SLC25A21: variants seen among roughly 807,000 people sequenced by gnomAD.
The protein encoded by SLC25A21 is mitochondrial 2-oxodicarboxylate carrier.
In SLC25A21, 47 loss-of-function variants were observed where a neutral mutation model predicts 43.8. The observed-to-expected ratio is 1.07, with a 90% CI of 0.85 to 1.37. SLC25A21 has a LOEUF of 1.37. Among genes scored for constraint, SLC25A21 ranks in the 40% most tolerant of loss-of-function variants. The probability of loss-of-function intolerance (pLI) is 0.00; values close to 1 mark genes in which losing one functional copy is unlikely to be tolerated. For synonymous variants in SLC25A21, 131 were observed against 121.3 expected (o/e 1.08, Z -0.52); for missense variants, 352 against 350.2 (o/e 1.00, Z -0.04).
At chr14:37,023,016 T>C (rs1237464269) in intron 1 of SLC25A21, among the ~76,000 whole-genome samples, 1 of 152,016 alleles carries the variant, frequency 6.6e-6, no homozygotes, top group Non-Finnish European at 1.5e-5. Context: ...ATAGGGTCCA[T>C]TGCCTTCTGC....
intron 2 of SLC25A21, among the ~76,000 whole-genome samples, chr14:36,854,402 C>G (rs1451653285): frequency 1.3e-5 from 2 of 152,294 alleles, no homozygotes; most frequent in East Asian, 3.9e-4. Context: ...GTAATTGTAG[C>G]AAACACAAGT....
At chr14:37,168,974 G>A (rs1239630077) in intron 1 of SLC25A21, among the ~76,000 whole-genome samples, 3 of 152,126 alleles carry the variant, frequency 2.0e-5, no homozygotes, top group Non-Finnish European at 4.4e-5. Context: ...ACTGCCACAC[G>A]GCCGCTTCTC....
intron 1 of SLC25A21, among the ~76,000 whole-genome samples, chr14:36,992,774 T>C (rs1960292343): frequency 6.6e-6 from 1 of 152,204 alleles, no homozygotes; most frequent in South Asian, 2.1e-4. Flanking sequence ...GCTAGAATCA[T>C]CAAGAAATTC....
At chr14:36,928,548 T>G (rs762707920) in intron 1 of SLC25A21, among the ~76,000 whole-genome samples, 2 of 152,188 alleles carry the variant, frequency 1.3e-5, no homozygotes, top group African/African-American at 2.4e-5. Context: ...CTCAAATGTA[T>G]TTATCCACAA....
At chr14:36,980,678 C>T (rs1326226797) in intron 1 of SLC25A21, among the ~76,000 whole-genome samples, 2 of 152,214 alleles carry the variant, frequency 1.3e-5, no homozygotes, top group African/African-American at 4.8e-5. Flanking sequence ...CATTCTCTGT[C>T]CAGCTTTGTT....
intron 1 of SLC25A21, among the ~76,000 whole-genome samples, chr14:37,152,277 T>C (rs1963771511): frequency 6.6e-6 from 1 of 151,898 alleles, no homozygotes. Flanking sequence ...AAAATAGAAA[T>C]GAGAAAATGA....
chr14:36,883,889 CATACATGTATAAAT>C (rs1194557958), intron 1 of SLC25A21, among the ~76,000 whole-genome samples: 1 of 151,994 alleles, frequency 6.6e-6, no homozygotes, highest in Non-Finnish European at 1.5e-5. Context: ...TGTGATGTTT[CATACATGTATAAAT>C]ATACACGTAT....
chr14:37,149,291 A>G (rs889997590), intron 1 of SLC25A21, among the ~76,000 whole-genome samples: 1 of 152,186 alleles, frequency 6.6e-6, no homozygotes, highest in African/African-American at 2.4e-5. Flanking sequence ...AGAAACAGAA[A>G]ATCTACTGTC....
intron 3 of SLC25A21, among the ~76,000 whole-genome samples, chr14:36,767,290 C>G (rs549742482): frequency 6.6e-6 from 1 of 152,172 alleles, no homozygotes; most frequent in African/African-American, 2.4e-5. Flanking sequence ...CACACTGTAT[C>G]CTAGCCAGAG....
At chr14:36,883,234 C>G (rs137947817) in intron 1 of SLC25A21, among the ~76,000 whole-genome samples, 2 of 152,286 alleles carry the variant, frequency 1.3e-5, no homozygotes, top group Non-Finnish European at 1.5e-5. Flanking sequence ...ACTCTCCCCT[C>G]CACTGGCTCT....
chr14:37,087,710 A>G (rs1335555064), intron 1 of SLC25A21, among the ~76,000 whole-genome samples: 1 of 152,220 alleles, frequency 6.6e-6, no homozygotes, highest in Non-Finnish European at 1.5e-5. Flanking sequence ...CTTATCAGCT[A>G]GTTACAACAA....
intron 3 of SLC25A21, among the ~76,000 whole-genome samples, chr14:36,789,214 C>T (rs771148786): frequency 3.3e-5 from 5 of 152,038 alleles, no homozygotes; most frequent in Admixed American, 6.5e-5. Flanking sequence ...TGCATTACTA[C>T]GATAATTTCT....
intron 3 of SLC25A21, among the ~76,000 whole-genome samples, chr14:36,751,525 C>T (rs572216366): frequency 2.0e-5 from 3 of 152,278 alleles, no homozygotes; most frequent in South Asian, 2.1e-4. Flanking sequence ...CTGAGAATTA[C>T]GTACTAATCT....
intron 1 of SLC25A21, among the ~76,000 whole-genome samples, chr14:36,923,253 A>G (rs1384857971): frequency 6.6e-6 from 1 of 152,246 alleles, no homozygotes; most frequent in East Asian, 1.9e-4. Context: ...GATAACAGTG[A>G]CAGCACAATT....
At chr14:36,931,116 T>G (rs1379953701) in intron 1 of SLC25A21, among the ~76,000 whole-genome samples, 1 of 152,078 alleles carries the variant, frequency 6.6e-6, no homozygotes, top group African/African-American at 2.4e-5. Flanking sequence ...CCCCCCTATT[T>G]AAAGTAAGGG....
intron 1 of SLC25A21, among the ~76,000 whole-genome samples, chr14:36,902,611 T>A (rs557696261): frequency 2.0e-5 from 3 of 152,320 alleles, no homozygotes; most frequent in African/African-American, 7.2e-5. Flanking sequence ...TTAAGTTTAT[T>A]TTGGTTTGTG....
chr14:37,024,381 G>A (rs970013116), intron 1 of SLC25A21, among the ~76,000 whole-genome samples: 1 of 151,948 alleles, frequency 6.6e-6, no homozygotes, highest in African/African-American at 2.4e-5. Flanking sequence ...GTGTGTTGAT[G>A]GTTCTATGAA....
intron 1 of SLC25A21, among the ~76,000 whole-genome samples, chr14:37,033,442 G>T (rs2138771937): frequency 6.6e-6 from 1 of 152,198 alleles, no homozygotes; most frequent in African/African-American, 2.4e-5. Flanking sequence ...GAAGTATAAG[G>T]TACTATAAGA....
intron 3 of SLC25A21, among the ~76,000 whole-genome samples, chr14:36,761,481 A>G (rs1470669797): frequency 6.6e-6 from 1 of 152,252 alleles, no homozygotes; most frequent in African/African-American, 2.4e-5. Flanking sequence ...ACTGCTATAG[A>G]GCATTTAAAA....
Sources: allele counts gnomAD v4.1 joint callset (sites outside exome capture counted in the v4.1 genomes callset), GRCh38; gene constraint gnomAD v4.1.1; transcripts MANE v1.5; gene names NCBI Gene and HGNC (gene_info 2026-07-23, HGNC 2026-07-21).